Variants in SRBD1 observed in about 807,000 individuals in gnomAD.
SRBD1 encodes the protein S1 RNA binding domain 1.
A neutral mutation model predicts 115.3 loss-of-function variants in SRBD1; 88 were observed. The observed-to-expected ratio is 0.76, with a 90% CI of 0.64 to 0.91. The LOEUF (loss-of-function observed/expected upper bound fraction) is 0.91, where lower values mean the gene tolerates loss of function less well. SRBD1 is among the 40% of genes least tolerant of loss of function. The pLI, the probability that SRBD1 is intolerant of heterozygous loss-of-function variation, is 0.00. For missense variants in SRBD1, 1,385 were observed against 1,177.4 expected (o/e 1.18, Z -2.58); for synonymous variants, 509 against 407.7 (o/e 1.25, Z -2.99).
intron 14 of SRBD1, among the ~76,000 whole-genome samples, chr2:45,509,598 A>AAC (rs1179307941): frequency 0.39 from 49,278 of 125,226 alleles, 10,098 homozygotes; most frequent in Middle Eastern, 0.48. Context: ...TCCGTCTCAA[A>AAC]ACACACACAC....
intron 14 of SRBD1, among the ~76,000 whole-genome samples, chr2:45,532,956 T>A (rs1671657747): frequency 6.6e-6 from 1 of 152,064 alleles, no homozygotes; most frequent in Non-Finnish European, 1.5e-5. Context: ...TGAATTCAAC[T>A]AATGCAACTA....
intron 10 of SRBD1, among the ~76,000 whole-genome samples, chr2:45,557,785 G>C (rs561900709): frequency 6.6e-6 from 1 of 152,306 alleles, no homozygotes; most frequent in South Asian, 2.1e-4. Flanking sequence ...TGATGGGTTT[G>C]CCTTACAGGA....
intron 15 of SRBD1, among the ~76,000 whole-genome samples, chr2:45,485,364 T>G (rs967410040): frequency 3.3e-5 from 5 of 152,212 alleles, no homozygotes; most frequent in Non-Finnish European, 7.3e-5. Flanking sequence ...AATCTTGTTG[T>G]TGTTGTTGCT....
chr2:45,514,777 G>A (rs1488068242), intron 14 of SRBD1, among the ~76,000 whole-genome samples: 1 of 151,964 alleles, frequency 6.6e-6, no homozygotes, highest in Non-Finnish European at 1.5e-5. Flanking sequence ...CAGTCTCTCT[G>A]GAATAAATAC....
chr2:45,606,757 A>C (rs1266443947), intron 1 of SRBD1, among the ~76,000 whole-genome samples: 1 of 152,212 alleles, frequency 6.6e-6, no homozygotes, highest in Non-Finnish European at 1.5e-5. Flanking sequence ...TAGCTGTTAA[A>C]ATTAATTAAT....
chr2:45,531,646 T>C (rs894519634), intron 14 of SRBD1, among the ~76,000 whole-genome samples: 1 of 151,648 alleles, frequency 6.6e-6, no homozygotes, highest in Non-Finnish European at 1.5e-5. Context: ...AGCCAAATAA[T>C]ATTTATGAAA....
intron 18 of SRBD1, among the ~76,000 whole-genome samples, chr2:45,414,709 A>G (rs1217458304): frequency 7.0e-6 from 1 of 143,448 alleles, no homozygotes; most frequent in Non-Finnish European, 1.5e-5. Flanking sequence ...GTGTGTATAT[A>G]GTATGTATAT....
intron 9 of SRBD1, among the ~76,000 whole-genome samples, chr2:45,566,079 T>C (rs191749867): frequency 3.9e-5 from 6 of 152,336 alleles, no homozygotes; most frequent in Admixed American, 3.3e-4. Flanking sequence ...GGGAGGGATG[T>C]AGAGAAATCG....
intron 16 of SRBD1, among the ~76,000 whole-genome samples, chr2:45,467,693 G>C (rs1669531997): frequency 6.6e-6 from 1 of 152,138 alleles, no homozygotes; most frequent in African/African-American, 2.4e-5. Context: ...AACATTAGGG[G>C]CTTGAGAAAG....
chr2:45,433,488 A>C (rs995051431), intron 16 of SRBD1, among the ~76,000 whole-genome samples: 2 of 152,204 alleles, frequency 1.3e-5, no homozygotes, highest in African/African-American at 4.8e-5. Flanking sequence ...AAATGAAGCA[A>C]GTTTACTTCT....
chr2:45,510,228 A>T (rs185851695), intron 14 of SRBD1, among the ~76,000 whole-genome samples: 50 of 152,320 alleles, frequency 3.3e-4, no homozygotes, highest in African/African-American at 1.2e-3. Context: ...TTATATAGAG[A>T]TATACACACA....
intron 16 of SRBD1, among the ~76,000 whole-genome samples, chr2:45,432,689 AT>A (rs1335171902): frequency 5.3e-5 from 8 of 152,204 alleles, no homozygotes; most frequent in African/African-American, 1.9e-4. Flanking sequence ...GGACTGTTCC[AT>A]TTTTAAATAG....
intron 4 of SRBD1, among the ~76,000 whole-genome samples, chr2:45,593,225 C>T (rs1673779769): frequency 6.6e-6 from 1 of 152,082 alleles, no homozygotes; most frequent in Non-Finnish European, 1.5e-5. Flanking sequence ...CTCATTTAAA[C>T]TATATGAGAA....
chr2:45,546,627 G>A (rs1672127699), intron 14 of SRBD1, 105 bp downstream of exon 14: 4 of 1,115,830 alleles, frequency 3.6e-6, no homozygotes, highest in African/African-American at 1.5e-5. Context: ...GGTCTGGAGG[G>A]CAAAGAAGAT....
At chr2:45,470,805 C>T (rs1457579686) in intron 16 of SRBD1, among the ~76,000 whole-genome samples, 1 of 152,086 alleles carries the variant, frequency 6.6e-6, no homozygotes, top group Non-Finnish European at 1.5e-5. Context: ...GTCATTTGAC[C>T]ACACTGGCTG....
At chr2:45,588,925 G>C (rs1673632037) in intron 4 of SRBD1, among the ~76,000 whole-genome samples, 1 of 152,070 alleles carries the variant, frequency 6.6e-6, no homozygotes, top group African/African-American at 2.4e-5. Flanking sequence ...TTCTTTCATT[G>C]TAATCAAAAG....
At chr2:45,563,358 G>C (rs1008684353) in intron 9 of SRBD1, among the ~76,000 whole-genome samples, 8 of 151,844 alleles carry the variant, frequency 5.3e-5, no homozygotes, top group African/African-American at 1.9e-4. Flanking sequence ...ATCTGTCCAT[G>C]CTCTTAATTA....
At chr2:45,455,296 AT>A (rs1279782427) in intron 16 of SRBD1, among the ~76,000 whole-genome samples, 1 of 151,936 alleles carries the variant, frequency 6.6e-6, no homozygotes, top group East Asian at 1.9e-4. Flanking sequence ...AGGCAGAAGC[AT>A]TTTTTAAAAA....
chr2:45,436,814 G>A lies in SRBD1; in HGVS notation c.2050-16920C>T, dbSNP rs538126920. 2.3e-3 allele frequency among the ~76,000 whole-genome samples: 356 copies of A among 152,240 alleles called. 1 individual carries two copies. The highest frequency in any genetic ancestry group is 0.014 in the Middle Eastern group (4 of 294). Reference sequence around the variant, plus strand: ...GGGACACAAGGCCTAACCTTATCATGAGGAAAGAAAGAAAACTCTTTGTTC... The same window carrying A: ...GGGACACAAGGCCTAACCTTATCATAAGGAAAGAAAGAAAACTCTTTGTTC... On this transcript the variant is annotated intron_variant, in intron 16 of 20. Coordinates refer to ENST00000263736, the MANE Select transcript of SRBD1 (RefSeq NM_018079.5).
Sources: allele counts gnomAD v4.1 joint callset (sites outside exome capture counted in the v4.1 genomes callset), GRCh38; gene constraint gnomAD v4.1.1; transcripts MANE v1.5; gene names NCBI Gene and HGNC (gene_info 2026-07-23, HGNC 2026-07-21).